ANKDD1A: variants seen among roughly 807,000 people sequenced by gnomAD.
The protein encoded by ANKDD1A is ankyrin repeat and death domain-containing protein 1A.
ANKDD1A carries 59 observed loss-of-function variants against 63.5 expected under a neutral mutation model. The ratio of observed to expected loss-of-function variants is 0.93; its 90% CI spans 0.75 to 1.15. The LOEUF (loss-of-function observed/expected upper bound fraction) is 1.15, where lower values mean the gene tolerates loss of function less well. Among genes scored for constraint, ANKDD1A ranks in the 50% most tolerant of loss-of-function variants. The probability of loss-of-function intolerance (pLI) is 0.00; values close to 1 mark genes in which losing one functional copy is unlikely to be tolerated. For missense variants in ANKDD1A, 632 were observed against 656.4 expected, an observed-to-expected ratio of 0.96 and a Z score of 0.41; for synonymous variants, 266 against 263.9, an observed-to-expected ratio of 1.01 and a Z score of -0.08.
At chr15:64,948,072 T>G (rs1434050718) in intron 13 of ANKDD1A, among the ~76,000 whole-genome samples, 1 of 152,090 alleles carries the variant, frequency 6.6e-6, no homozygotes, top group Non-Finnish European at 1.5e-5. Context: ...ATTAATCAAA[T>G]AATTCAAGGA....
intron 2 of ANKDD1A, among the ~76,000 whole-genome samples, chr15:64,916,319 C>T (rs1208477414): frequency 6.6e-6 from 1 of 151,046 alleles, no homozygotes; most frequent in African/African-American, 2.4e-5. Flanking sequence ...GCAGGAGGGT[C>T]GGCTTTTTTT....
At chr15:64,949,753 G>C in intron 13 of ANKDD1A, 88 bp from the exon 14 acceptor site, 3 of 1,543,770 alleles carry the variant, frequency 1.9e-6, no homozygotes, top group Middle Eastern at 1.7e-4. Flanking sequence ...TGTTCAGGAG[G>C]CGGTGCAGGG....
rs1239518570 is a variant in ANKDD1A, at chr15:64,952,425, T to C, written c.1483+2453T>C. On this transcript the variant is annotated intron_variant, in intron 14 of 14. Coordinates refer to ENST00000319580, the MANE Select transcript of ANKDD1A (RefSeq NM_182703.6). ...CTTCTTCTTCTTCTCCTTCTTAGTTTTCTTCTCCTCCTCCTTTCTTCTTCT... is the reference window on the plus strand; with the variant it reads ...CTTCTTCTTCTTCTCCTTCTTAGTTCTCTTCTCCTCCTCCTTTCTTCTTCT... Among the ~76,000 whole-genome samples the C allele has an allele frequency of 8.8e-4, 127 of 144,942 alleles. 2 individuals carry two copies. Among genetic ancestry groups the C allele is most frequent in the African/African-American group, 3.2e-3 (121 of 37,592 alleles).
Position 64,926,114 on chromosome 15 carries a change from G to C in ANKDD1A, c.415G>C (p.Val139Leu). 1 of 1,614,076 alleles carries C rather than the reference G, an allele frequency of 6.2e-7. No homozygotes were observed. The part of the protein sequence containing the change: ...HCAAQKGHVP[V>L]LAFIMEDLED... ...CGCAGCCCAAAAAGGCCATGTGCCT[G>C]TGCTGGCGTTCATAATGGAGGACCT... is the stretch of plus-strand genomic sequence containing the variant. Residue 139 changes from valine (V) to leucine (L), a missense_variant, in exon 5 of 15, where the codon GTG becomes CTG. Transcript: ENST00000319580.
At chr15:64,954,393 T>C (rs1354285078) in intron 14 of ANKDD1A, among the ~76,000 whole-genome samples, 3 of 128,870 alleles carry the variant, frequency 2.3e-5, no homozygotes, top group South Asian at 2.8e-4. Context: ...TCTTCTTCTT[T>C]CTTCTTCCTT....
intron 9 of ANKDD1A, among the ~76,000 whole-genome samples, chr15:64,936,369 A>G (rs1033194110): frequency 2.6e-5 from 4 of 152,178 alleles, no homozygotes; most frequent in Admixed American, 1.3e-4. Flanking sequence ...TGGTCAAACT[A>G]AGAAGTTTTC....
intron 6 of ANKDD1A, among the ~76,000 whole-genome samples, chr15:64,927,754 G>A (rs1365181036): frequency 2.0e-5 from 3 of 151,994 alleles, no homozygotes; most frequent in Admixed American, 6.6e-5. Flanking sequence ...GTAGGCGCCC[G>A]CCACCACACC....
chr15:64,939,738 T>C (rs1007160901), intron 9 of ANKDD1A, among the ~76,000 whole-genome samples: 2 of 152,240 alleles, frequency 1.3e-5, no homozygotes, highest in African/African-American at 4.8e-5. Flanking sequence ...AGCAATTCAG[T>C]GGAAGAAGGT....
Position 64,917,662 on chromosome 15 carries a change from A to G in ANKDD1A, c.267+148A>G, listed in dbSNP as rs1190087527. ...AGTCAGAGGCTTCAGGCGCAGGGAC[A>G]CTGCACTGATTCTGTTTTACTCCTG... On this transcript the variant is annotated intron_variant, in intron 3 of 14. Coordinates refer to ENST00000319580, the MANE Select transcript of ANKDD1A (RefSeq NM_182703.6). 5.6e-6 allele frequency: 7 copies of G among 1,242,978 alleles called. No individual in the cohort carries two copies. The South Asian group carries it at 9.2e-5, about 16-fold the overall frequency. 77.0% of individuals were successfully genotyped at this position (1,242,978 alleles called of 1,614,324 possible). A position where few individuals can be genotyped will look rare whatever the true frequency, so the allele number is the denominator to read the frequency against.
rs772745997 is a variant in ANKDD1A, at chr15:64,926,986, A to G, written c.557A>G (p.Asn186Ser). 8 of 1,614,024 alleles carry G rather than the reference A, an allele frequency of 5.0e-6. No homozygotes were observed. In the Admixed American group the frequency reaches 8.3e-5, roughly 17 times the overall value. ...DFLVGSGCDH[N>S]VKDKEGNTAL... Reference sequence around the variant, plus strand: ...CTCGTGGGCTCTGGCTGTGACCACAATGTCAAAGACAAGGTACCGTGTCCG... The same window carrying G: ...CTCGTGGGCTCTGGCTGTGACCACAGTGTCAAAGACAAGGTACCGTGTCCG... Residue 186 changes from asparagine (N) to serine (S), a missense_variant, in exon 6 of 15, where the codon AAT (asparagine) becomes AGT (serine). By Grantham distance (46) the Asn-to-Ser change is conservative. Transcript: ENST00000319580.
chr15:64,954,750 C>CTTTCT (rs2085397121), intron 14 of ANKDD1A, among the ~76,000 whole-genome samples: 1 of 97,016 alleles, frequency 1.0e-5, no homozygotes, highest in Non-Finnish European at 2.3e-5. Flanking sequence ...TCTCCTTCTT[C>CTTTCT]TTTCTTTTTG....
At chr15:64,949,789 G>A in intron 13 of ANKDD1A, 52 bp from the exon 14 acceptor site, 1 of 1,588,964 alleles carries the variant, frequency 6.3e-7, no homozygotes, top group Non-Finnish European at 8.5e-7. Context: ...CTCTGGTCAA[G>A]TGGCCCCATT....
At chr15:64,913,555 G>A (rs1174755961) in intron 1 of ANKDD1A, among the ~76,000 whole-genome samples, 1 of 152,118 alleles carries the variant, frequency 6.6e-6, no homozygotes, top group Non-Finnish European at 1.5e-5. Context: ...ACACAGCTAG[G>A]AAGTGGTTAA....
At chr15:64,914,716 A>G (rs1218173532) in intron 1 of ANKDD1A, among the ~76,000 whole-genome samples, 1 of 152,164 alleles carries the variant, frequency 6.6e-6, no homozygotes, top group East Asian at 1.9e-4. Context: ...AGCCATGGAG[A>G]CTAGACATCC....
intron 14 of ANKDD1A, among the ~76,000 whole-genome samples, chr15:64,954,812 G>C (rs1429515356): frequency 1.5e-5 from 2 of 133,044 alleles, no homozygotes; most frequent in African/African-American, 2.9e-5. Flanking sequence ...CTTCTTCCTT[G>C]TTCTTCTCCT....
intron 9 of ANKDD1A, 122 bp downstream of exon 9, chr15:64,934,356 G>C: frequency 1.2e-6 from 1 of 803,680 alleles, no homozygotes; most frequent in Non-Finnish European, 1.9e-6. Flanking sequence ...ACCAGGAGTA[G>C]GGGAGCCGGC....
At chr15:64,946,243 TA>T (rs2085221746) in intron 12 of ANKDD1A, among the ~76,000 whole-genome samples, 1 of 152,182 alleles carries the variant, frequency 6.6e-6, no homozygotes, top group Non-Finnish European at 1.5e-5. Flanking sequence ...ATTATCCTAA[TA>T]AGACCATTAA....
chr15:64,926,513 A>C (rs1265079273), intron 5 of ANKDD1A, among the ~76,000 whole-genome samples: 1 of 152,000 alleles, frequency 6.6e-6, no homozygotes, highest in Admixed American at 6.6e-5. Flanking sequence ...CAAATGGAAG[A>C]GCGAGGCTTG....
chr15:64,939,787 A>T (rs1472441290), intron 9 of ANKDD1A, among the ~76,000 whole-genome samples: 2 of 152,248 alleles, frequency 1.3e-5, no homozygotes, highest in East Asian at 3.8e-4. Flanking sequence ...AAGCAACTGT[A>T]CATCCACAGG....
Sources: gnomAD v4.1 joint callset for allele counts (sites outside exome capture counted in the v4.1 genomes callset) on GRCh38, gnomAD v4.1.1 for gene constraint, MANE v1.5 for transcripts, NCBI Gene and HGNC (gene_info 2026-07-23, HGNC 2026-07-21) for gene names.